Variants in RBPMS observed in about 807,000 individuals in gnomAD.
The protein encoded by RBPMS is RNA binding protein, mRNA processing factor.
Under a neutral mutation model 26.8 loss-of-function variants are expected in RBPMS, and 7 were observed. That is an observed-to-expected ratio of 0.26 (90% CI 0.15 to 0.49). RBPMS has a LOEUF of 0.49. RBPMS is among the 20% of genes least tolerant of loss of function. RBPMS has a pLI of 0.98. For missense variants in RBPMS, 186 were observed against 250.0 expected, an observed-to-expected ratio of 0.74 and a Z score of 1.73; for synonymous variants, 96 against 93.3, an observed-to-expected ratio of 1.03 and a Z score of -0.17.
intron 4 of RBPMS, among the ~76,000 whole-genome samples, chr8:30,489,927 C>T (rs1307929853): frequency 6.6e-6 from 1 of 152,124 alleles, no homozygotes; most frequent in Non-Finnish European, 1.5e-5. Flanking sequence ...TCTCCTGCCT[C>T]AGCCTCCCGA....
chr8:30,569,687 C>G (rs1828137166), intron 8 of RBPMS, among the ~76,000 whole-genome samples: 1 of 151,786 alleles, frequency 6.6e-6, no homozygotes, highest in Non-Finnish European at 1.5e-5. Context: ...CACTTCTGCA[C>G]AGGTGGCCCT....
chr8:30,537,241 C>G (rs1243735010), intron 5 of RBPMS, among the ~76,000 whole-genome samples: 1 of 152,114 alleles, frequency 6.6e-6, no homozygotes, highest in Non-Finnish European at 1.5e-5. Flanking sequence ...TTCTTAGCCT[C>G]GAAGAAGTGG....
intron 1 of RBPMS, among the ~76,000 whole-genome samples, chr8:30,414,300 C>T (rs1392103422): frequency 2.6e-5 from 4 of 152,174 alleles, no homozygotes; most frequent in African/African-American, 7.2e-5. Context: ...CCTTGGACCT[C>T]CTGTATCTGT....
In RBPMS at chr8:30,544,592, G is replaced by A. The variant is rs760167457; in HGVS notation, c.496G>A (p.Ala166Thr). ...AELAPALPPPAFTYPASLHAQ... is the reference protein window; with the variant it reads ...AELAPALPPPTFTYPASLHAQ... ...GTTAGCGCCTGCTCTACCTCCTCCT[G>A]CTTTCACCTATCCCGCTTCACTGCA... Residue 166 changes from alanine (A) to threonine (T), a missense_variant, in exon 6 of 9, where the codon GCT becomes ACT. Coordinates refer to ENST00000397323, the MANE Select transcript of RBPMS (RefSeq NM_001008710.3). 15 of 1,613,982 alleles carry A rather than the reference G, an allele frequency of 9.3e-6. No individual in the cohort carries two copies. The Admixed American group carries it at 2.3e-4, about 25-fold the overall frequency.
chr8:30,475,044 T>C (rs1817541696), intron 2 of RBPMS, among the ~76,000 whole-genome samples, 188 bp downstream of exon 2: 1 of 152,256 alleles, frequency 6.6e-6, no homozygotes, highest in Non-Finnish European at 1.5e-5. Flanking sequence ...CATATTTATA[T>C]TTCAAATGCA....
At chr8:30,450,012 CA>C (rs1814365657) in intron 1 of RBPMS, among the ~76,000 whole-genome samples, 1 of 152,174 alleles carries the variant, frequency 6.6e-6, no homozygotes, top group African/African-American at 2.4e-5. Context: ...TTTTAAAGAA[CA>C]GTTTATCTTT....
At chr8:30,462,669 C>T (rs112123383) in intron 1 of RBPMS, among the ~76,000 whole-genome samples, 2,841 of 152,148 alleles carry the variant, frequency 0.019, 82 homozygotes, top group African/African-American at 0.062. Flanking sequence ...CTCAAGTGAT[C>T]GGCCATCCCA....
At chr8:30,388,808 C>T (rs192326460) in intron 1 of RBPMS, among the ~76,000 whole-genome samples, 261 of 152,110 alleles carry the variant, frequency 1.7e-3, no homozygotes, top group African/African-American at 4.8e-3. Flanking sequence ...TATTGAAGCA[C>T]TGGTGTTAAT....
At chr8:30,462,539 G>A (rs1377086634) in intron 1 of RBPMS, among the ~76,000 whole-genome samples, 3 of 152,010 alleles carry the variant, frequency 2.0e-5, no homozygotes, top group Non-Finnish European at 4.4e-5. Flanking sequence ...TTCTGCCTCA[G>A]CCTCCCGAGT....
chr8:30,434,152 A>G (rs1398607335), intron 1 of RBPMS, among the ~76,000 whole-genome samples: 1 of 151,918 alleles, frequency 6.6e-6, no homozygotes, highest in African/African-American at 2.4e-5. Context: ...AATAAAAATA[A>G]AGTCCTGGGT....
intron 5 of RBPMS, 81 bp downstream of exon 5, chr8:30,504,517 C>T: frequency 7.2e-7 from 1 of 1,396,118 alleles, no homozygotes. Flanking sequence ...CACCATGGGA[C>T]ATGGAGCTGG....
At chr8:30,442,216 C>A (rs959331436) in intron 1 of RBPMS, among the ~76,000 whole-genome samples, 1 of 152,166 alleles carries the variant, frequency 6.6e-6, no homozygotes, top group Non-Finnish European at 1.5e-5. Flanking sequence ...CAATTCTAAA[C>A]AGTATTTCCT....
chr8:30,550,550 C>T (rs1021567581), intron 6 of RBPMS, among the ~76,000 whole-genome samples: 2 of 152,202 alleles, frequency 1.3e-5, no homozygotes, highest in Admixed American at 6.5e-5. Flanking sequence ...ATGGCCAGCA[C>T]ATGTGGATGA....
At chr8:30,562,122 G>A in intron 7 of RBPMS, 4 of 766,276 alleles carry the variant, frequency 5.2e-6, no homozygotes, top group Non-Finnish European at 6.3e-6. Flanking sequence ...CTTGATGCCA[G>A]AAGTTTGAGA....
chr8:30,511,152 T>C (rs1821547878), intron 5 of RBPMS, among the ~76,000 whole-genome samples: 1 of 150,568 alleles, frequency 6.6e-6, no homozygotes, highest in Non-Finnish European at 1.5e-5. Context: ...CCGCCTCTAC[T>C]AAAAATACAA....
intron 1 of RBPMS, among the ~76,000 whole-genome samples, chr8:30,457,043 T>G (rs1292125646): frequency 6.6e-6 from 1 of 152,244 alleles, no homozygotes; most frequent in Non-Finnish European, 1.5e-5. Flanking sequence ...CTGTGAGAAC[T>G]GTTTGCCTGC....
chr8:30,531,902 G>A (rs1031543232), intron 5 of RBPMS, among the ~76,000 whole-genome samples: 5 of 152,166 alleles, frequency 3.3e-5, no homozygotes, highest in Admixed American at 6.5e-5. Flanking sequence ...CATTGCAGCC[G>A]GTGGAATGAA....
At chr8:30,489,833 CGG>C (rs1346744736) in intron 4 of RBPMS, among the ~76,000 whole-genome samples, 1 of 151,378 alleles carries the variant, frequency 6.6e-6, no homozygotes, top group Non-Finnish European at 1.5e-5. Context: ...GTTTTTGAGA[CGG>C]AGTCTCGCTG....
chr8:30,544,070 C>G (rs1343590731), intron 5 of RBPMS, among the ~76,000 whole-genome samples: 1 of 152,182 alleles, frequency 6.6e-6, no homozygotes, highest in Admixed American at 6.5e-5. Flanking sequence ...TGTTGAGGCC[C>G]TGCCGTTAAG....
Sources: allele counts gnomAD v4.1 joint callset (sites outside exome capture counted in the v4.1 genomes callset), GRCh38; gene constraint gnomAD v4.1.1; transcripts MANE v1.5; gene names NCBI Gene and HGNC (gene_info 2026-07-23, HGNC 2026-07-21).